The following UBN2 variants were observed in gnomAD, a reference collection of about 807,000 sequenced individuals.
UBN2 encodes ubinuclein 2, also known as ubinuclein-2.
A neutral mutation model predicts 120.2 loss-of-function variants in UBN2; 35 were observed. The observed-to-expected ratio is 0.29, with a 90% CI of 0.22 to 0.39. The LOEUF (loss-of-function observed/expected upper bound fraction) is 0.39. UBN2 is among the 10% of genes least tolerant of loss of function. The pLI, the probability that UBN2 is intolerant of heterozygous loss-of-function variation, is 1.00. For missense variants in UBN2, 1,693 were observed against 1,663.2 expected, an observed-to-expected ratio of 1.02 and a Z score of -0.31; for synonymous variants, 661 against 648.7, an observed-to-expected ratio of 1.02 and a Z score of -0.29.
In UBN2 at chr7:139,284,511, A is replaced by G; in HGVS notation, c.3606A>G (p.Pro1202=). ...TGSGTQGATK[P]LSTPHRPSTA... ...GTGGAACACAGGGTGCTACCAAACC[A>G]TTGTCTACTCCACATAGACCATCCA... Residue 1202 remains proline, a synonymous_variant, in exon 15 of 18, where the codon CCA becomes CCG. Transcript: ENST00000473989. 6.2e-7 allele frequency: 1 copy of G among 1,614,064 alleles called. No homozygotes were observed. Among genetic ancestry groups the G allele is most frequent in the Non-Finnish European group, 8.5e-7 (1 of 1,180,026 alleles).
Position 139,287,965 on chromosome 7 carries a change from ACTC to A in UBN2, c.3669+3394_3669+3396del, listed in dbSNP as rs564102970. Among the ~76,000 whole-genome samples the A allele has an allele frequency of 5.7e-4, 87 of 151,664 alleles. No individual in the cohort carries two copies. In the East Asian group the frequency reaches 0.016, roughly 28 times the overall value. On this transcript the variant is annotated intron_variant, in intron 15 of 17. Coordinates refer to ENST00000473989, the MANE Select transcript of UBN2 (RefSeq NM_173569.4). ...TCCTTTAACAAATGGCAAAAGTTAA[ACTC>A]CTTCTGGGTTCAGGTTGTTAGCTCT...
chr7:139,293,863 G>A (rs1181604951), intron 16 of UBN2, 26 bp from the exon 17 acceptor site: 1 of 1,605,894 alleles, frequency 6.2e-7, no homozygotes, highest in African/African-American at 1.3e-5. Context: ...ATTTAAAGAT[G>A]ACTGACAAGT....
chr7:139,294,047 T>C, intron 17 of UBN2, 66 bp downstream of exon 17: 2 of 1,511,524 alleles, frequency 1.3e-6, no homozygotes, highest in South Asian at 1.1e-5. Context: ...ATTATACTTT[T>C]CTGAAAACAA....
intron 2 of UBN2, among the ~76,000 whole-genome samples, chr7:139,249,838 C>T (rs1400288086): frequency 6.6e-6 from 1 of 151,826 alleles, no homozygotes; most frequent in Non-Finnish European, 1.5e-5. Flanking sequence ...GCAAGGACCA[C>T]AGGCAACATG....
rs769956842 is a variant in UBN2 at position 139,251,968 on chromosome 7, C to T, written c.574C>T (p.Arg192Cys). 3.7e-6 allele frequency: 6 copies of T among 1,613,834 alleles called. No individual in the cohort carries two copies. The highest frequency in any genetic ancestry group is 2.2e-5 in the East Asian group (1 of 44,882). The part of the protein sequence containing the change: ...KFEMKYGGKP[R>C]KHRKDRLQDL... ...CTGTTCTTTGCAGGGTGGGAAACCC[C>T]GTAAACACCGGAAGGATCGGCTACA... Residue 192 changes from arginine to cysteine, a missense_variant, in exon 3 of 18, where the codon CGT becomes TGT. This residue lies in a region of UBN2 where 663 missense variants were observed against 591.2 expected (regional missense o/e 1.12). Coordinates refer to ENST00000473989, the MANE Select transcript of UBN2 (RefSeq NM_173569.4).
At chr7:139,284,862 A>G (rs1192236729) in intron 15 of UBN2, among the ~76,000 whole-genome samples, 2 of 152,138 alleles carry the variant, frequency 1.3e-5, no homozygotes, top group African/African-American at 4.8e-5. Flanking sequence ...CACTAAATCA[A>G]CTTTAAAATT....
At chr7:139,257,666 T>C (rs939478384) in intron 3 of UBN2, among the ~76,000 whole-genome samples, 7 of 152,048 alleles carry the variant, frequency 4.6e-5, no homozygotes, top group Non-Finnish European at 2.9e-5. Context: ...TCCACCTGCC[T>C]TGGCCTCCCA....
At chr7:139,235,312 G>A (rs1796135087) in intron 1 of UBN2, among the ~76,000 whole-genome samples, 1 of 152,088 alleles carries the variant, frequency 6.6e-6, no homozygotes, top group South Asian at 2.1e-4. Context: ...GACATGCCTA[G>A]GATTCCTTAT....
chr7:139,273,311 A>G lies in UBN2; in HGVS notation c.1730A>G (p.Glu577Gly). The change falls in exon 10 of 18, where the codon GAA becomes GGA. Residue 577 changes from glutamate to glycine, a missense_variant. Around this residue, in one of 5 missense-constraint regions of UBN2, gnomAD observed 178 missense variants for 204.0 expected, o/e 0.87. Coordinates refer to ENST00000473989, the MANE Select transcript of UBN2 (RefSeq NM_173569.4). Reference sequence around the variant, plus strand: ...TTCATTTTTAGATTGCAGACAGATGAAGAACGAGAAAAAAATGGATCTGAA... The same window carrying G: ...TTCATTTTTAGATTGCAGACAGATGGAGAACGAGAAAAAAATGGATCTGAA... Reference protein sequence around the residue: ...QAKCAKLQTDEEREKNGSEED... With the variant: ...QAKCAKLQTDGEREKNGSEED... 6.2e-7 allele frequency: 1 copy of G among 1,606,844 alleles called. No individual in the cohort carries two copies. The highest frequency in any genetic ancestry group is 8.5e-7 in the Non-Finnish European group (1 of 1,176,666).
At position 139,297,814 on chromosome 7, in the gene UBN2, A is replaced by G. The variant is rs761644010; in HGVS notation, c.4022A>G (p.Lys1341Arg). 6.2e-7 allele frequency: 1 copy of G among 1,614,136 alleles called. No homozygotes were observed. Among genetic ancestry groups the G allele is most frequent in the Non-Finnish European group, 8.5e-7 (1 of 1,180,000 alleles). Residue 1341 changes from lysine to arginine, a missense_variant, in exon 18 of 18, where the codon AAA becomes AGA. Coordinates refer to ENST00000473989, the MANE Select transcript of UBN2 (RefSeq NM_173569.4). ...GGAGGCCAAAGTAAAGGGGACACTAAATTACCACGGAAATCTCAGTGACTG... is the reference window on the plus strand; with the variant it reads ...GGAGGCCAAAGTAAAGGGGACACTAGATTACCACGGAAATCTCAGTGACTG... ...HDGGQSKGDT[K>R]LPRKSQ
At position 139,300,655 on chromosome 7, in the gene UBN2, C is replaced by T. The variant is rs1294179014; in HGVS notation, c.*2819C>T. ...TCCAAATGCAAAAATAATCAGCACA[C>T]ATGATTATATCCCACTCCTTGGGAT... On this transcript the variant is annotated 3_prime_UTR_variant, in exon 18 of 18. Coordinates refer to ENST00000473989, the MANE Select transcript of UBN2 (RefSeq NM_173569.4). The T allele has an allele frequency of 6.6e-6, 1 of 152,200 alleles. No individual in the cohort carries two copies. The highest frequency in any genetic ancestry group is 1.5e-5 in the Non-Finnish European group (1 of 68,026). 9.4% of individuals were successfully genotyped at this position (152,200 alleles called of 1,614,324 possible). A position where few individuals can be genotyped will look rare whatever the true frequency, so the allele number is the denominator to read the frequency against.
rs1054543192 is a variant in UBN2, at chr7:139,261,757, C to G, written c.1395+16C>G. ...CCTTCGTGTAGTAAGTGTAATAATT[C>G]TCTTGCTTTTTATTTGCTGCACAAA... On this transcript the variant is annotated intron_variant, in intron 6 of 17. Transcript: ENST00000473989. 6.3e-7 allele frequency: 1 copy of G among 1,590,808 alleles called. No homozygotes were observed. Among genetic ancestry groups the G allele is most frequent in the East Asian group, 2.3e-5 (1 of 44,404 alleles).
intron 13 of UBN2, among the ~76,000 whole-genome samples, chr7:139,280,706 T>C (rs1797582879): frequency 6.6e-6 from 1 of 152,172 alleles, no homozygotes; most frequent in Non-Finnish European, 1.5e-5. Context: ...AGTGCAGTGG[T>C]GCGATCTCGG....
chr7:139,249,924 C>T (rs1408366480), intron 2 of UBN2, among the ~76,000 whole-genome samples: 1 of 152,072 alleles, frequency 6.6e-6, no homozygotes, highest in Non-Finnish European at 1.5e-5. Context: ...TAGTCTCAAA[C>T]TCCTGGGCTC....
intron 8 of UBN2, 51 bp downstream of exon 8, chr7:139,269,574 G>T (rs765308282): frequency 1.3e-6 from 2 of 1,593,068 alleles, no homozygotes; most frequent in Non-Finnish European, 1.7e-6. Context: ...AACCTGTAAA[G>T]ATACTTGTTT....
At chr7:139,293,113 C>T in intron 15 of UBN2, 119 bp from the exon 16 acceptor site, 2 of 801,880 alleles carry the variant, frequency 2.5e-6, no homozygotes, top group Non-Finnish European at 4.0e-6. Flanking sequence ...GCCTGTCTCA[C>T]AACGTTTCTG....
chr7:139,290,003 C>T (rs1797906101), intron 15 of UBN2, among the ~76,000 whole-genome samples: 1 of 152,150 alleles, frequency 6.6e-6, no homozygotes, highest in African/African-American at 2.4e-5. Flanking sequence ...AAGCGGTTCT[C>T]CTGCCTCAGC....
intron 2 of UBN2, among the ~76,000 whole-genome samples, chr7:139,237,355 G>A (rs990589470): frequency 3.3e-5 from 5 of 152,034 alleles, no homozygotes; most frequent in Non-Finnish European, 7.4e-5. Flanking sequence ...GGAGTGCCGT[G>A]GTGCAGTGTT....
rs2131084495 is a variant in UBN2 at position 139,301,180 on chromosome 7, G to T, written c.*3344G>T. 6.6e-6 allele frequency: 1 copy of T among 152,184 alleles called. No individual in the cohort carries two copies. The highest frequency in any genetic ancestry group is 1.9e-4 in the East Asian group (1 of 5,204). The allele number at this position is 152,184 out of a possible 1,614,324, so 9.4% of individuals were successfully genotyped here. ...TATTGAATCAGGAAGGTAAGGGGAA[G>T]AACCGGGCACATATGTGTTGGAATA... is the stretch of plus-strand genomic sequence containing the variant. On this transcript the variant is annotated 3_prime_UTR_variant, in exon 18 of 18. Coordinates refer to ENST00000473989, the MANE Select transcript of UBN2 (RefSeq NM_173569.4).
Sources: allele counts gnomAD v4.1 joint callset (sites outside exome capture counted in the v4.1 genomes callset), GRCh38; gene constraint gnomAD v4.1.1; regional missense constraint gnomAD v4.1.1; transcripts MANE v1.5; gene names NCBI Gene and HGNC (gene_info 2026-07-23, HGNC 2026-07-21).